Variants in RUNDC3B observed in about 807,000 individuals in gnomAD.
The protein encoded by RUNDC3B is RUN domain containing 3B.
Under a neutral mutation model 58.4 loss-of-function variants are expected in RUNDC3B, and 33 were observed. The ratio of observed to expected loss-of-function variants is 0.56; its 90% confidence interval spans 0.43 to 0.75. The LOEUF (loss-of-function observed/expected upper bound fraction) is 0.75, where lower values mean the gene tolerates loss of function less well. Ranked by LOEUF, RUNDC3B falls within the 30% of genes least tolerant of loss-of-function variation. The pLI, the probability that RUNDC3B is intolerant of heterozygous loss-of-function variation, is 0.00. For missense variants in RUNDC3B, 501 were observed against 535.7 expected, an observed-to-expected ratio of 0.94 and a Z score of 0.64; for synonymous variants, 193 against 195.2, an observed-to-expected ratio of 0.99 and a Z score of 0.10.
intron 3 of RUNDC3B, 137 bp from the exon 4 acceptor site, chr7:87,710,433 C>G: frequency 1.7e-6 from 1 of 587,262 alleles, no homozygotes; most frequent in East Asian, 3.1e-5. Flanking sequence ...TTTTTATCTA[C>G]TTAAACATTT....
Position 87,661,465 on chromosome 7 carries a change from A to G in RUNDC3B, c.238+10528A>G, listed in dbSNP as rs533477403. 9.3e-5 allele frequency among the ~76,000 whole-genome samples: 14 copies of G among 150,962 alleles called. No homozygotes were observed. In the East Asian group the frequency reaches 1.4e-3, roughly 15 times the overall value. ...AACCATTATTTTACTCTCTATCTCT[A>G]TAAGTTTAACTGTTTTTAATTTTTA... is the stretch of plus-strand genomic sequence containing the variant. On this transcript the variant is annotated intron_variant, in intron 2 of 10. Transcript: ENST00000394654.
At chr7:87,685,277 G>C (rs1827345129) in intron 2 of RUNDC3B, among the ~76,000 whole-genome samples, 1 of 152,078 alleles carries the variant, frequency 6.6e-6, no homozygotes, top group Non-Finnish European at 1.5e-5. Context: ...AATATGCAAA[G>C]AGCTGAACAG....
intron 10 of RUNDC3B, among the ~76,000 whole-genome samples, chr7:87,820,637 CAATAA>C (rs1017119072): frequency 3.0e-4 from 45 of 152,166 alleles, no homozygotes; most frequent in Admixed American, 1.3e-3. Context: ...CAAAAATCCT[CAATAA>C]AATACTAGCA....
chr7:87,697,440 G>A (rs1372352560), intron 2 of RUNDC3B, among the ~76,000 whole-genome samples: 1 of 152,170 alleles, frequency 6.6e-6, no homozygotes, highest in Non-Finnish European at 1.5e-5. Flanking sequence ...GATAATAGAA[G>A]TCAAGGAAAA....
At chr7:87,722,643 G>A (rs936863731) in intron 4 of RUNDC3B, among the ~76,000 whole-genome samples, 4 of 152,136 alleles carry the variant, frequency 2.6e-5, no homozygotes, top group African/African-American at 9.7e-5. Flanking sequence ...CATCTCTTAT[G>A]AAGAGTACCA....
In RUNDC3B at chr7:87,709,802, AAG is replaced by A. The variant is rs1375991591; in HGVS notation, c.373-765_373-764del. Among the ~76,000 whole-genome samples the A allele has an allele frequency of 8.5e-5, 13 of 152,244 alleles. 1 individual carries two copies. Among genetic ancestry groups the A allele is most frequent in the African/African-American group, 3.1e-4 (13 of 41,554 alleles). ...CATGAAGTTTTTTAGAGATTTGTGA[AAG>A]AGTTGAGTGAAAATGAAAATAATTG... On this transcript the variant is annotated intron_variant, in intron 3 of 10. Transcript: ENST00000394654.
intron 4 of RUNDC3B, among the ~76,000 whole-genome samples, chr7:87,713,691 T>C (rs1231685097): frequency 6.6e-6 from 1 of 151,094 alleles, no homozygotes; most frequent in Non-Finnish European, 1.5e-5. Context: ...GGTAGGTTAC[T>C]GGGAAGACCT....
At chr7:87,742,575 AATAGATAGATAGATAGATAGATAGATAG>A (rs3028187) in intron 6 of RUNDC3B, among the ~76,000 whole-genome samples, 78 of 147,854 alleles carry the variant, frequency 5.3e-4, no homozygotes, top group African/African-American at 1.9e-3. Context: ...ATCATAGATA[AATAGATAGATAGATAGATAGATAGATAG>A]ATAGATAGAT....
chr7:87,773,665 TGTTTTG>T (rs1448979276), intron 7 of RUNDC3B, among the ~76,000 whole-genome samples: 27 of 147,808 alleles, frequency 1.8e-4, no homozygotes, highest in Non-Finnish European at 2.7e-4. Context: ...TGTCTTGTTT[TGTTTTG>T]TTTTGTTTTG....
Position 87,821,909 on chromosome 7 carries a change from T to A in RUNDC3B, c.1225+5647T>A, listed in dbSNP as rs1584289292. Among the ~76,000 whole-genome samples the A allele has an allele frequency of 2.6e-5, 4 of 152,262 alleles. No homozygotes were observed. In the East Asian group the frequency reaches 7.7e-4, roughly 29 times the overall value. On this transcript the variant is annotated intron_variant, in intron 10 of 10. Coordinates refer to ENST00000394654, the MANE Select transcript of RUNDC3B (RefSeq NM_001134405.2). ...ATTAATTCAAGATGGATTAAAGACT[T>A]ACATGTTAGACCTGAAACCATAAAA...
chr7:87,757,591 C>T (rs1279899689), intron 6 of RUNDC3B, among the ~76,000 whole-genome samples: 1 of 151,980 alleles, frequency 6.6e-6, no homozygotes, highest in Non-Finnish European at 1.5e-5. Context: ...CCCATCACAC[C>T]AAGCAATCTA....
At chr7:87,659,207 A>G (rs1824444286) in intron 2 of RUNDC3B, 1 of 428,838 alleles carries the variant, frequency 2.3e-6, no homozygotes, top group Non-Finnish European at 4.6e-6. Context: ...GGAAGAAAGG[A>G]TACAGTAAAC....
At chr7:87,821,023 T>C (rs1375071324) in intron 10 of RUNDC3B, among the ~76,000 whole-genome samples, 2 of 148,874 alleles carry the variant, frequency 1.3e-5, no homozygotes, top group African/African-American at 5.0e-5. Flanking sequence ...CAACATAGTG[T>C]TGGAAGTTCT....
At chr7:87,747,360 C>A (rs1584086024) in intron 6 of RUNDC3B, among the ~76,000 whole-genome samples, 1 of 152,106 alleles carries the variant, frequency 6.6e-6, no homozygotes, top group Admixed American at 6.6e-5. Context: ...GATACCAGCG[C>A]CTGTTCTGGC....
intron 6 of RUNDC3B, among the ~76,000 whole-genome samples, chr7:87,769,285 A>G (rs1447160669): frequency 6.6e-6 from 1 of 151,982 alleles, no homozygotes; most frequent in Admixed American, 6.5e-5. Context: ...GGCTGGTATT[A>G]CAGGAATGAG....
chr7:87,770,949 T>C (rs1489741431), intron 7 of RUNDC3B, among the ~76,000 whole-genome samples, 200 bp downstream of exon 7: 2 of 152,276 alleles, frequency 1.3e-5, no homozygotes, highest in South Asian at 4.2e-4. Context: ...CAATTTTATG[T>C]TTTAACATAA....
At position 87,774,915 on chromosome 7, in the gene RUNDC3B, A is replaced by G. The variant is rs116040751; in HGVS notation, c.799-2883A>G. Among the ~76,000 whole-genome samples the G allele has an allele frequency of 3.8e-3, 576 of 152,298 alleles. 3 individuals are homozygous for G. Among genetic ancestry groups the G allele is most frequent in the African/African-American group, 0.013 (555 of 41,570 alleles). On this transcript the variant is annotated intron_variant, in intron 7 of 10. Coordinates refer to ENST00000394654, the MANE Select transcript of RUNDC3B (RefSeq NM_001134405.2). ...TTTGTGATAATGCTAGTGTAAATAA[A>G]CCTATTGCCCTGCCAGTCATTTAAA... is the stretch of plus-strand genomic sequence containing the variant.
intron 2 of RUNDC3B, among the ~76,000 whole-genome samples, chr7:87,680,106 T>TA (rs752246183): frequency 2.1e-4 from 31 of 150,386 alleles, no homozygotes; most frequent in Admixed American, 5.3e-4. Context: ...AACTTCCACT[T>TA]ATGAGTGAGA....
chr7:87,804,869 A>G (rs891648986), intron 8 of RUNDC3B, among the ~76,000 whole-genome samples: 10 of 152,170 alleles, frequency 6.6e-5, no homozygotes, highest in African/African-American at 2.4e-4. Flanking sequence ...AGCTTGGCCA[A>G]TTAAGAAAAA....
Sources: gnomAD v4.1 joint callset for allele counts (sites outside exome capture counted in the v4.1 genomes callset) on GRCh38, gnomAD v4.1.1 for gene constraint, MANE v1.5 for transcripts, NCBI Gene and HGNC (gene_info 2026-07-23, HGNC 2026-07-21) for gene names.